Variants in PXK observed in about 807,000 individuals in gnomAD.
PXK encodes the protein PX domain containing serine/threonine kinase like.
Under a neutral mutation model 84.7 loss-of-function variants are expected in PXK, and 35 were observed. The ratio of observed to expected loss-of-function variants is 0.41; its 90% CI spans 0.32 to 0.55. The LOEUF (loss-of-function observed/expected upper bound fraction) is 0.55, where lower values mean the gene tolerates loss of function less well. PXK is among the 20% of genes least tolerant of loss of function. The probability of loss-of-function intolerance (pLI) is 0.21; values close to 1 mark genes in which losing one functional copy is unlikely to be tolerated. For missense variants in PXK, 634 were observed against 699.7 expected (o/e 0.91, Z 1.06); for synonymous variants, 253 against 260.8 (o/e 0.97, Z 0.29).
rs2098477142 is a variant in PXK, at chr3:58,379,433, A to T, written c.202-3081A>T. On this transcript the variant is annotated intron_variant, in intron 3 of 17. Coordinates refer to ENST00000356151, the MANE Select transcript of PXK (RefSeq NM_017771.5). The surrounding 1 kb of genome is among the most constrained non-coding windows in gnomAD (Gnocchi z 5.1). ...AATTTCACTACTCACATCCCACAAC[A>T]TTATCTTCCCATAATTCTGGCAAAA... is the stretch of plus-strand genomic sequence containing the variant. 2 of 155,962 alleles carry T rather than the reference A, an allele frequency of 1.3e-5. No individual in the cohort carries two copies. The highest frequency in any genetic ancestry group is 3.7e-3 in the Middle Eastern group (2 of 536). The allele number at this position is 155,962 out of a possible 1,614,324, so 9.7% of individuals were successfully genotyped here. A position where few individuals can be genotyped will look rare whatever the true frequency, so the allele number is the denominator to read the frequency against.
chr3:58,353,002 A>ATTT (rs5849248), intron 1 of PXK, among the ~76,000 whole-genome samples: 1 of 148,828 alleles, frequency 6.7e-6, no homozygotes, highest in Admixed American at 6.7e-5. Context: ...TATGAATTAG[A>ATTT]TTTTTTTTTT....
chr3:58,356,601 GT>G (rs1318844072), intron 1 of PXK, among the ~76,000 whole-genome samples: 16 of 140,502 alleles, frequency 1.1e-4, no homozygotes, highest in Admixed American at 5.5e-4. Context: ...AGGCAGCTGT[GT>G]TTTTTTTTTC....
chr3:58,346,594 G>GT (rs1051713754), intron 1 of PXK, among the ~76,000 whole-genome samples: 3 of 152,062 alleles, frequency 2.0e-5, no homozygotes, highest in African/African-American at 7.2e-5. Flanking sequence ...AGATGACATT[G>GT]TTTAAGCTTT....
Position 58,397,264 on chromosome 3 carries a change from C to T in PXK, c.984+64C>T, listed in dbSNP as rs2057830407. ...AGGTGTCAGTTATCCCCATGATCTG[C>T]CCATGTAGGAAATATGCACCAAGTA... On this transcript the variant is annotated intron_variant, in intron 10 of 17. Coordinates refer to ENST00000356151, the MANE Select transcript of PXK (RefSeq NM_017771.5). The surrounding 1 kb of genome is among the most constrained non-coding windows in gnomAD (Gnocchi z 4.7). 3.2e-6 allele frequency: 5 copies of T among 1,540,530 alleles called. No homozygotes were observed. The highest frequency in any genetic ancestry group is 1.1e-5 in the South Asian group (1 of 87,978).
At chr3:58,420,756 T>TTC (rs2061704018) in intron 17 of PXK, 9 of 1,400,552 alleles carry the variant, frequency 6.4e-6, no homozygotes, top group Non-Finnish European at 8.3e-6. Flanking sequence ...TTCATCTATA[T>TTC]TCATTTCATT....
chr3:58,391,089 A>G, intron 5 of PXK, 58 bp from the exon 6 acceptor site: 1 of 1,260,294 alleles, frequency 7.9e-7, no homozygotes, highest in Non-Finnish European at 1.2e-6. Flanking sequence ...AGTCAGTGAA[A>G]CATATCAGTT....
chr3:58,352,328 C>A (rs2097947857), intron 1 of PXK, among the ~76,000 whole-genome samples: 1 of 152,142 alleles, frequency 6.6e-6, no homozygotes, highest in Non-Finnish European at 1.5e-5. Context: ...CAGTGAAGGG[C>A]GTGAGGGATG....
At chr3:58,374,010 C>T (rs922844521) in intron 3 of PXK, among the ~76,000 whole-genome samples, 24 of 147,798 alleles carry the variant, frequency 1.6e-4, no homozygotes, top group African/African-American at 5.2e-4. Flanking sequence ...GCACACTGCA[C>T]TCCAGCCATG....
chr3:58,333,405 CTCACCT>C lies in PXK; in HGVS notation c.102+317_102+322del, dbSNP rs1275227584. 3.6e-6 allele frequency: 1 copy of C among 277,058 alleles called. No individual in the cohort carries two copies. Among genetic ancestry groups the C allele is most frequent in the Non-Finnish European group, 7.7e-6 (1 of 130,350 alleles). 17.2% of individuals were successfully genotyped at this position (277,058 alleles called of 1,614,324 possible). A position where few individuals can be genotyped will look rare whatever the true frequency, so the allele number is the denominator to read the frequency against. On this transcript the variant is annotated intron_variant, in intron 1 of 17. Transcript: ENST00000356151. The surrounding 1 kb of genome is among the most constrained non-coding windows in gnomAD (Gnocchi z 5.4). ...GGGCGGGGGCTGCGGGATTCCCGGG[CTCACCT>C]TGGACTAGGGGAGCAGGAACGAGAC... is the stretch of plus-strand genomic sequence containing the variant.
At chr3:58,353,615 G>A (rs984081918) in intron 1 of PXK, among the ~76,000 whole-genome samples, 1 of 152,202 alleles carries the variant, frequency 6.6e-6, no homozygotes, top group Admixed American at 6.5e-5. Flanking sequence ...CAGGCAGGTG[G>A]CCAGTGAGCT....
chr3:58,365,113 T>C (rs1046855566), intron 1 of PXK, among the ~76,000 whole-genome samples: 2 of 151,990 alleles, frequency 1.3e-5, no homozygotes, highest in Non-Finnish European at 2.9e-5. Flanking sequence ...GGTTATTGAT[T>C]TGATAGTTTT....
intron 17 of PXK, among the ~76,000 whole-genome samples, chr3:58,419,720 A>T (rs73837616): frequency 0.13 from 19,783 of 152,198 alleles, 1,974 homozygotes; most frequent in African/African-American, 0.27. Flanking sequence ...GGTACTGAGA[A>T]GGCTGGAGGG....
At chr3:58,394,954 G>A in intron 7 of PXK, 44 bp from the exon 8 acceptor site, 1 of 1,468,414 alleles carries the variant, frequency 6.8e-7, no homozygotes, top group Non-Finnish European at 9.5e-7. Flanking sequence ...AAAGGACCTA[G>A]ATCCTGACGC....
At chr3:58,410,612 C>T (rs890866755) in intron 16 of PXK, among the ~76,000 whole-genome samples, 4 of 152,134 alleles carry the variant, frequency 2.6e-5, no homozygotes, top group Admixed American at 2.0e-4. Context: ...GGCAAGAAAC[C>T]GAGATGGTAC....
At chr3:58,340,551 A>G (rs945829065) in intron 1 of PXK, among the ~76,000 whole-genome samples, 4 of 151,858 alleles carry the variant, frequency 2.6e-5, no homozygotes, top group Admixed American at 2.0e-4. Flanking sequence ...ACATGGAGAA[A>G]CCCCATTTCT....
intron 1 of PXK, among the ~76,000 whole-genome samples, chr3:58,343,799 A>T (rs2097774181): frequency 6.6e-6 from 1 of 152,220 alleles, no homozygotes; most frequent in Non-Finnish European, 1.5e-5. Context: ...TTTGAGAATG[A>T]ATGCCATTAT....
intron 1 of PXK, among the ~76,000 whole-genome samples, chr3:58,343,904 T>G (rs942449522): frequency 2.6e-5 from 4 of 152,200 alleles, no homozygotes; most frequent in African/African-American, 9.6e-5. Flanking sequence ...CTGGATATAA[T>G]TTTCCTTCCT....
Position 58,401,873 on chromosome 3 carries a change from A to C in PXK, c.1182-1989A>C, listed in dbSNP as rs773773888. 1.3e-5 allele frequency among the ~76,000 whole-genome samples: 2 copies of C among 152,266 alleles called. No individual in the cohort carries two copies. Among genetic ancestry groups the C allele is most frequent in the Middle Eastern group, 3.4e-3 (1 of 294 alleles). On this transcript the variant is annotated intron_variant, in intron 12 of 17. Transcript: ENST00000356151. This position sits in a 1 kb window ranked among gnomAD's most constrained non-coding sequence, Gnocchi z 4.4. ...CACTGCACTCCAGCCTGGGCGACAG[A>C]GTGAGACTCCATCTCAAAAAAATAA...
At chr3:58,372,513 G>A (rs1045268732) in intron 3 of PXK, among the ~76,000 whole-genome samples, 3 of 151,776 alleles carry the variant, frequency 2.0e-5, no homozygotes, top group Admixed American at 6.6e-5. Context: ...TAGTAGAGAC[G>A]GGGTTTCACC....
Sources: allele counts gnomAD v4.1 joint callset (sites outside exome capture counted in the v4.1 genomes callset), GRCh38; gene constraint gnomAD v4.1.1; non-coding constraint Gnocchi (gnomAD v3.1); transcripts MANE v1.5; gene names NCBI Gene and HGNC (gene_info 2026-07-23, HGNC 2026-07-21).